The following KAZN variants were observed in gnomAD, a reference collection of about 807,000 sequenced individuals.
KAZN encodes the protein kazrin.
Under a neutral mutation model 87.4 loss-of-function variants are expected in KAZN, and 40 were observed. That is an observed-to-expected ratio of 0.46 (90% CI 0.36 to 0.60). KAZN has a LOEUF of 0.60. KAZN is among the 20% of genes least tolerant of loss of function. The pLI, the probability that KAZN is intolerant of heterozygous loss-of-function variation, is 0.00. For missense variants in KAZN, 898 were observed against 1,073.9 expected (o/e 0.84, Z 2.29); for synonymous variants, 466 against 458.3 (o/e 1.02, Z -0.22).
chr1:14,057,384 C>T (rs1001574097), intron 1 of KAZN, among the ~76,000 whole-genome samples: 5 of 152,136 alleles, frequency 3.3e-5, no homozygotes, highest in Admixed American at 1.3e-4. Context: ...CCTCCCTCCT[C>T]GGCCTCCCAA....
chr1:14,171,804 AAG>A (rs1193238911), intron 1 of KAZN, among the ~76,000 whole-genome samples: 1 of 152,192 alleles, frequency 6.6e-6, no homozygotes, highest in African/African-American at 2.4e-5. Context: ...TCTACATAAA[AAG>A]AGTTTAGGGT....
At chr1:14,654,102 A>G (rs1335472843) in intron 1 of KAZN, among the ~76,000 whole-genome samples, 2 of 152,218 alleles carry the variant, frequency 1.3e-5, no homozygotes, top group Middle Eastern at 3.4e-3. Flanking sequence ...CCTGGCCAAC[A>G]TGGTGAAACC....
chr1:14,440,087 G>C (rs889491460), intron 2 of KAZN, among the ~76,000 whole-genome samples: 1 of 152,134 alleles, frequency 6.6e-6, no homozygotes, highest in South Asian at 2.1e-4. Flanking sequence ...TATTATGTCT[G>C]TTTGCTAGAA....
chr1:14,183,196 C>T (rs970097757), intron 2 of KAZN, among the ~76,000 whole-genome samples: 1 of 152,168 alleles, frequency 6.6e-6, no homozygotes, highest in Non-Finnish European at 1.5e-5. Flanking sequence ...AAGGCAAAAG[C>T]ATTGCCGGAC....
intron 2 of KAZN, among the ~76,000 whole-genome samples, chr1:14,326,595 A>G (rs1446991923): frequency 6.6e-6 from 1 of 152,084 alleles, no homozygotes; most frequent in African/African-American, 2.4e-5. Context: ...ATAAAATTCC[A>G]AATCCCTCCC....
intron 2 of KAZN, among the ~76,000 whole-genome samples, chr1:14,355,989 C>A (rs1658989706): frequency 6.6e-6 from 1 of 152,108 alleles, no homozygotes; most frequent in African/African-American, 2.4e-5. Context: ...GGTTCTAGAT[C>A]CTTGAGGAAT....
intron 1 of KAZN, among the ~76,000 whole-genome samples, chr1:14,708,942 A>G (rs1166297329): frequency 2.0e-5 from 3 of 152,166 alleles, no homozygotes; most frequent in African/African-American, 7.2e-5. Flanking sequence ...AATGACCAGG[A>G]CTGTGTTTTA....
At chr1:14,080,960 A>C (rs912917809) in intron 1 of KAZN, among the ~76,000 whole-genome samples, 3 of 152,188 alleles carry the variant, frequency 2.0e-5, no homozygotes, top group Non-Finnish European at 4.4e-5. Context: ...GGGAAAAGCT[A>C]ATGGACAGAA....
chr1:14,731,398 C>T (rs1321403581), intron 1 of KAZN, among the ~76,000 whole-genome samples: 1 of 152,164 alleles, frequency 6.6e-6, no homozygotes. Context: ...CTAAGGGTGC[C>T]CAGCCCCAAG....
intron 1 of KAZN, among the ~76,000 whole-genome samples, chr1:13,976,333 T>C (rs1490605244): frequency 6.6e-6 from 1 of 152,184 alleles, no homozygotes; most frequent in East Asian, 1.9e-4. Context: ...TCCTTTGCTG[T>C]CATAGAACCA....
intron 2 of KAZN, among the ~76,000 whole-genome samples, chr1:14,446,123 G>A (rs1406432124): frequency 1.3e-5 from 2 of 152,096 alleles, no homozygotes; most frequent in Non-Finnish European, 2.9e-5. Flanking sequence ...TTCAGCCCAG[G>A]AGGTCCAGGC....
At chr1:14,980,915 C>G (rs536468045) in intron 2 of KAZN, among the ~76,000 whole-genome samples, 20 of 152,182 alleles carry the variant, frequency 1.3e-4, no homozygotes, top group African/African-American at 4.6e-4. Flanking sequence ...TCCTAGACTG[C>G]GTGTCTTCAG....
Position 15,077,381 on chromosome 1 carries a change from T to C in KAZN, c.1222+11628T>C, listed in dbSNP as rs2100615122. ...CCTCCTTCACTGGAGGGCCCTCCTG[T>C]CCTCCACTCCCTGACGGCCAGGCAG... On this transcript the variant is annotated intron_variant, in intron 8 of 14. Transcript: ENST00000376030. This position sits in a 1 kb window ranked among gnomAD's most constrained non-coding sequence, Gnocchi z 4.8. Among the ~76,000 whole-genome samples, 1 of 152,272 alleles carries C rather than the reference T, an allele frequency of 6.6e-6. No individual in the cohort carries two copies. The highest frequency in any genetic ancestry group is 2.4e-5 in the African/African-American group (1 of 41,550).
At chr1:14,783,698 C>A (rs1645421323) in intron 1 of KAZN, among the ~76,000 whole-genome samples, 1 of 152,192 alleles carries the variant, frequency 6.6e-6, no homozygotes, top group South Asian at 2.1e-4. Context: ...GAAGGCTTCA[C>A]TCAGGCGGTG....
At chr1:14,022,376 C>T (rs1430936493) in intron 1 of KAZN, among the ~76,000 whole-genome samples, 4 of 148,666 alleles carry the variant, frequency 2.7e-5, no homozygotes, top group Admixed American at 1.4e-4. Context: ...AAGAGAATTG[C>T]AAGTACACAA....
intron 2 of KAZN, among the ~76,000 whole-genome samples, chr1:14,483,000 T>C (rs1411017572): frequency 2.1e-5 from 3 of 141,762 alleles, no homozygotes; most frequent in African/African-American, 5.1e-5. Context: ...TTCACAGAGC[T>C]GTTCCGAGAC....
intron 2 of KAZN, among the ~76,000 whole-genome samples, chr1:14,550,729 CTCTCTCTCT>C (rs1673452258): frequency 1.2e-4 from 10 of 86,100 alleles, no homozygotes; most frequent in East Asian, 3.9e-4. Context: ...CTCTCTCTCT[CTCTCTCTCT>C]CCCCCACCCC....
At chr1:13,944,690 G>A (rs1641068415) in intron 1 of KAZN, among the ~76,000 whole-genome samples, 1 of 152,144 alleles carries the variant, frequency 6.6e-6, no homozygotes, top group South Asian at 2.1e-4. Context: ...AAGGATGTGT[G>A]TCATTATCTC....
At chr1:14,681,579 A>T (rs1640574538) in intron 1 of KAZN, among the ~76,000 whole-genome samples, 1 of 132,966 alleles carries the variant, frequency 7.5e-6, no homozygotes, top group Admixed American at 7.8e-5. Flanking sequence ...ATAACATAAA[A>T]TTTGCCATTT....
Sources: allele counts gnomAD v4.1 joint callset (sites outside exome capture counted in the v4.1 genomes callset), GRCh38; gene constraint gnomAD v4.1.1; non-coding constraint Gnocchi (gnomAD v3.1); transcripts MANE v1.5; gene names NCBI Gene and HGNC (gene_info 2026-07-23, HGNC 2026-07-21).